Variants in TBL1Y observed in about 807,000 individuals in gnomAD.
The protein encoded by TBL1Y is transducin beta like 1 Y-linked.
In TBL1Y, 15 loss-of-function variants were observed where a neutral mutation model predicts 12.0. That is an observed-to-expected ratio of 1.25 (90% CI 0.83 to 1.92). The LOEUF is 1.92. Among genes scored for constraint, TBL1Y ranks in the 40% most tolerant of loss-of-function variants. The pLI, the probability that TBL1Y is intolerant of heterozygous loss-of-function variation, is 0.00. For missense variants in TBL1Y, 148 were observed against 116.7 expected (o/e 1.27, Z -1.24); for synonymous variants, 53 against 42.6 (o/e 1.24, Z -0.95).
chrY:7,028,591 C>T, intron 6 of TBL1Y, among the ~76,000 whole-genome samples: 1 of 34,370 alleles, frequency 2.9e-5, no homozygotes, highest in Admixed American at 2.6e-4. Context: ...CTCAAAGCAG[C>T]GCACTCATGG....
chrY:6,994,394 C>G, intron 3 of TBL1Y, among the ~76,000 whole-genome samples: 2 of 33,379 alleles, frequency 6.0e-5, no homozygotes, highest in East Asian at 1.6e-3. Flanking sequence ...GTCATTAATG[C>G]GAATGGAGAA....
At chrY:6,975,252 A>C in intron 2 of TBL1Y, among the ~76,000 whole-genome samples, 1 of 33,416 alleles carries the variant, frequency 3.0e-5, no homozygotes. Flanking sequence ...TCCAGAATCT[A>C]ACTATAGTTC....
At chrY:7,056,076 C>T (rs2012823089) in intron 7 of TBL1Y, among the ~76,000 whole-genome samples, 1 of 33,313 alleles carries the variant, frequency 3.0e-5, no homozygotes, top group East Asian at 7.7e-4. Context: ...GAACTTCCTC[C>T]TGTATATTTA....
intron 2 of TBL1Y, among the ~76,000 whole-genome samples, chrY:6,914,787 T>G (rs900521493): frequency 8.9e-5 from 3 of 33,601 alleles, no homozygotes; most frequent in Non-Finnish European, 1.5e-4. Context: ...GCGAAGCCAG[T>G]GAAATTGAAA....
chrY:6,966,754 T>C (rs2012171132), intron 2 of TBL1Y, among the ~76,000 whole-genome samples: 1 of 33,456 alleles, frequency 3.0e-5, no homozygotes, highest in African/African-American at 1.2e-4. Flanking sequence ...GTAGCTTGCC[T>C]ACCCCAGGTC....
At chrY:7,073,477 C>T (rs745800364) in intron 12 of TBL1Y, among the ~76,000 whole-genome samples, 41 of 32,890 alleles carry the variant, frequency 1.2e-3, no homozygotes, top group Middle Eastern at 0.014. Context: ...CTCTGTCTCT[C>T]GTTAACTCAT....
chrY:7,066,795 C>G, intron 8 of TBL1Y, among the ~76,000 whole-genome samples: 3 of 30,366 alleles, frequency 9.9e-5, no homozygotes, highest in Non-Finnish European at 2.3e-4. Flanking sequence ...GAGAGAAAGA[C>G]CTCGGCTTTA....
intron 2 of TBL1Y, among the ~76,000 whole-genome samples, chrY:6,945,875 A>G (rs762881177): frequency 5.9e-5 from 2 of 34,042 alleles, no homozygotes; most frequent in Non-Finnish European, 7.3e-5. Flanking sequence ...GGTCCCACTT[A>G]GGCAGTCTTA....
At chrY:7,056,675 G>A (rs2012825737) in intron 7 of TBL1Y, among the ~76,000 whole-genome samples, 4 of 33,145 alleles carry the variant, frequency 1.2e-4, no homozygotes, top group Admixed American at 1.1e-3. Context: ...TTGACATTCC[G>A]AACAGTGGTC....
chrY:6,998,750 G>C, intron 4 of TBL1Y, among the ~76,000 whole-genome samples: 1 of 33,011 alleles, frequency 3.0e-5, no homozygotes, highest in African/African-American at 1.2e-4. Flanking sequence ...CCATAAATTA[G>C]TATTAATCTT....
intron 4 of TBL1Y, among the ~76,000 whole-genome samples, chrY:6,997,261 C>T: frequency 3.1e-5 from 1 of 32,684 alleles, no homozygotes; most frequent in Non-Finnish European, 7.5e-5. Flanking sequence ...ACTAAAAATA[C>T]AGTAATTAGC....
intron 5 of TBL1Y, 24 bp from the exon 6 acceptor site, chrY:7,025,011 A>G: frequency 2.8e-6 from 1 of 353,619 alleles, no homozygotes; most frequent in East Asian, 9.4e-5. Context: ...CAGTGTTTCA[A>G]AACTGTCTTC....
intron 3 of TBL1Y, among the ~76,000 whole-genome samples, chrY:6,991,931 TG>T: frequency 2.9e-5 from 1 of 34,025 alleles, no homozygotes; most frequent in East Asian, 7.9e-4. Flanking sequence ...TCTGAAACCT[TG>T]GGGAATGTCT....
intron 6 of TBL1Y, among the ~76,000 whole-genome samples, chrY:7,028,739 C>A: frequency 5.9e-5 from 2 of 33,682 alleles, no homozygotes; most frequent in African/African-American, 1.2e-4. Flanking sequence ...ACTCTATTGG[C>A]CTCTGTCTTA....
intron 2 of TBL1Y, among the ~76,000 whole-genome samples, chrY:6,943,323 C>T (rs2011964940): frequency 3.0e-5 from 1 of 32,830 alleles, no homozygotes; most frequent in Non-Finnish European, 7.5e-5. Flanking sequence ...GGACTGACTT[C>T]CTCCTGCCAT....
intron 4 of TBL1Y, among the ~76,000 whole-genome samples, chrY:6,999,911 A>G: frequency 3.5e-5 from 1 of 28,859 alleles, no homozygotes; most frequent in South Asian, 9.0e-4. Flanking sequence ...GGCCAATTCA[A>G]TCGACTGAGA....
intron 1 of TBL1Y, 97 bp from the exon 2 acceptor site, chrY:6,911,991 G>C (rs2011698840): frequency 2.9e-5 from 1 of 34,534 alleles, no homozygotes; most frequent in Non-Finnish European, 7.3e-5. Context: ...CGAATCGGTG[G>C]TGTTCTGGAG....
Position 7,043,086 on chromosome Y carries a change from G to C in TBL1Y, c.165G>C (p.Lys55Asn). Residue 55 changes from lysine (K) to asparagine (N), a missense_variant, in exon 7 of 19, where the codon AAG becomes AAC. Physicochemically the swap from Lys to Asn is moderately conservative, Grantham distance 94 (BLOSUM62 0). Coordinates refer to ENST00000383032, the MANE Select transcript of TBL1Y (RefSeq NM_033284.2). ...PPSALISILQ[K>N]GLQYVEAEIS... ...CTGCCCTCATCTCCATTCTCCAGAA[G>C]GGACTGCAGTATGTAGAGGCTGAGA... 2.5e-6 allele frequency: 1 copy of C among 398,274 alleles called. No individual in the cohort carries two copies. The highest frequency in any genetic ancestry group is 3.5e-6 in the Non-Finnish European group (1 of 283,335).
intron 6 of TBL1Y, among the ~76,000 whole-genome samples, chrY:7,032,808 G>A: frequency 3.0e-5 from 1 of 33,405 alleles, no homozygotes; most frequent in Non-Finnish European, 7.4e-5. Context: ...TAACATACCA[G>A]AATCTCTGGG....
Sources: allele counts gnomAD v4.1 joint callset (sites outside exome capture counted in the v4.1 genomes callset), GRCh38; gene constraint gnomAD v4.1.1; transcripts MANE v1.5; gene names NCBI Gene and HGNC (gene_info 2026-07-23, HGNC 2026-07-21).